CTNNA3: variants seen among roughly 807,000 people sequenced by gnomAD.
CTNNA3 encodes catenin alpha 3.
CTNNA3 carries 76 observed loss-of-function variants against 95.7 expected under a neutral mutation model. The observed-to-expected ratio is 0.79, with a 90% CI of 0.66 to 0.96. CTNNA3 has a LOEUF of 0.96. Among genes scored for constraint, CTNNA3 ranks in the 40% least tolerant of loss-of-function variants. The pLI is 0.00. For synonymous variants in CTNNA3, 431 were observed against 374.4 expected (o/e 1.15, Z -1.74); for missense variants, 1,191 against 1,089.8 (o/e 1.09, Z -1.31).
At chr10:67,505,614 C>T (rs1839405680) in intron 5 of CTNNA3, among the ~76,000 whole-genome samples, 1 of 152,148 alleles carries the variant, frequency 6.6e-6, no homozygotes. Flanking sequence ...CTTCAAAGCA[C>T]AAAAATAATT....
At chr10:67,065,745 T>A (rs932895648) in intron 7 of CTNNA3, among the ~76,000 whole-genome samples, 1 of 152,120 alleles carries the variant, frequency 6.6e-6, no homozygotes, top group Admixed American at 6.5e-5. Context: ...AGGAGGCATA[T>A]ATGTGAATGA....
chr10:65,923,752 GACA>G (rs2077124540), intron 17 of CTNNA3, among the ~76,000 whole-genome samples: 1 of 152,048 alleles, frequency 6.6e-6, no homozygotes, highest in African/African-American at 2.4e-5. Flanking sequence ...GACAACAAAA[GACA>G]ACAACTTAAG....
chr10:67,261,474 C>T lies in CTNNA3; in HGVS notation c.580-41604G>A, dbSNP rs191964082. On this transcript the variant is annotated intron_variant, in intron 5 of 17. Coordinates refer to ENST00000433211, the MANE Select transcript of CTNNA3 (RefSeq NM_013266.4). ...TGGTTGCCAAGAGTGAGGCATTTTG[C>T]GATGACTAACAAATTAAGGCATCTT... Among the ~76,000 whole-genome samples, 445 of 152,090 alleles carry T rather than the reference C, an allele frequency of 2.9e-3. 2 individuals carry two copies. Among genetic ancestry groups the T allele is most frequent in the Non-Finnish European group, 3.7e-3 (249 of 67,988 alleles).
chr10:67,434,149 T>C (rs1846218279), intron 5 of CTNNA3, among the ~76,000 whole-genome samples: 1 of 152,000 alleles, frequency 6.6e-6, no homozygotes, highest in African/African-American at 2.4e-5. Context: ...TCCTAAAACC[T>C]AAAAGAACAA....
chr10:66,937,125 T>G (rs1847752059), intron 7 of CTNNA3, among the ~76,000 whole-genome samples: 1 of 152,080 alleles, frequency 6.6e-6, no homozygotes, highest in African/African-American at 2.4e-5. Flanking sequence ...TACAAAGTCT[T>G]TCTCCTTAAA....
chr10:66,449,483 T>C (rs1288394272), intron 11 of CTNNA3, among the ~76,000 whole-genome samples: 2 of 152,178 alleles, frequency 1.3e-5, no homozygotes, highest in Non-Finnish European at 2.9e-5. Flanking sequence ...GTTTGATTTT[T>C]GGCATTTCAA....
chr10:66,456,845 G>A (rs1038027466), intron 11 of CTNNA3, among the ~76,000 whole-genome samples: 1 of 152,094 alleles, frequency 6.6e-6, no homozygotes, highest in Non-Finnish European at 1.5e-5. Context: ...TGTAATCCTA[G>A]CACTTTGGCA....
intron 1 of CTNNA3, among the ~76,000 whole-genome samples, chr10:67,740,753 A>T (rs1280836330): frequency 6.6e-6 from 1 of 151,420 alleles, no homozygotes; most frequent in Non-Finnish European, 1.5e-5. Flanking sequence ...CAGTGTGGCA[A>T]TTCCTCAGGG....
intron 13 of CTNNA3, among the ~76,000 whole-genome samples, chr10:66,217,468 C>T (rs1437757446): frequency 2.0e-5 from 3 of 151,050 alleles, no homozygotes; most frequent in African/African-American, 7.3e-5. Flanking sequence ...CAAGTTTGTT[C>T]CTTTTTATTG....
intron 3 of CTNNA3, among the ~76,000 whole-genome samples, chr10:67,556,922 T>A (rs1318086826): frequency 1.3e-5 from 2 of 152,234 alleles, no homozygotes; most frequent in Non-Finnish European, 2.9e-5. Context: ...ACACACTGCT[T>A]TAAATGTGTC....
intron 6 of CTNNA3, among the ~76,000 whole-genome samples, chr10:67,209,045 TTG>T (rs1346324658): frequency 1.9e-5 from 2 of 107,888 alleles, no homozygotes; most frequent in African/African-American, 5.1e-5. Context: ...TTGTTATTTT[TTG>T]TTGTTGTTGT....
At chr10:67,351,791 G>A (rs560779080) in intron 5 of CTNNA3, among the ~76,000 whole-genome samples, 2 of 152,070 alleles carry the variant, frequency 1.3e-5, no homozygotes, top group South Asian at 4.1e-4. Flanking sequence ...TATTTACTAT[G>A]ATAAATACTG....
intron 10 of CTNNA3, among the ~76,000 whole-genome samples, chr10:66,588,195 C>T (rs1031480280): frequency 6.6e-6 from 1 of 152,004 alleles, no homozygotes; most frequent in Non-Finnish European, 1.5e-5. Flanking sequence ...CCTCCATGGC[C>T]TGAATTGCCC....
chr10:66,360,691 C>T (rs1337586018), intron 12 of CTNNA3, among the ~76,000 whole-genome samples: 4 of 46,374 alleles, frequency 8.6e-5, no homozygotes, highest in Admixed American at 3.1e-4. Flanking sequence ...TCCTTCCTTC[C>T]TTTTCTTTCT....
chr10:67,577,586 C>T (rs1282105077), intron 3 of CTNNA3, among the ~76,000 whole-genome samples: 4 of 151,962 alleles, frequency 2.6e-5, no homozygotes, highest in South Asian at 2.1e-4. Flanking sequence ...GTGTTTTAGA[C>T]GTGAAACACC....
chr10:66,682,891 TCA>T (rs1847118205), intron 9 of CTNNA3, among the ~76,000 whole-genome samples: 1 of 152,162 alleles, frequency 6.6e-6, no homozygotes, highest in South Asian at 2.1e-4. Context: ...TTTCTGTGCC[TCA>T]GTTTTCTTTT....
chr10:66,199,332 G>A (rs2087166753), intron 13 of CTNNA3, among the ~76,000 whole-genome samples: 1 of 151,868 alleles, frequency 6.6e-6, no homozygotes, highest in Non-Finnish European at 1.5e-5. Flanking sequence ...CGAAATACCA[G>A]CTGCCCAAAT....
intron 3 of CTNNA3, among the ~76,000 whole-genome samples, chr10:67,597,343 G>C (rs960613118): frequency 1.3e-5 from 2 of 152,206 alleles, no homozygotes; most frequent in Non-Finnish European, 2.9e-5. Context: ...TTGACTTTTA[G>C]AGTGGCCAGA....
intron 13 of CTNNA3, among the ~76,000 whole-genome samples, chr10:66,156,359 C>T (rs1235713854): frequency 1.3e-5 from 2 of 151,970 alleles, no homozygotes; most frequent in African/African-American, 2.4e-5. Context: ...TTGGACCACA[C>T]TTTACAAATA....
Sources: allele counts gnomAD v4.1 joint callset (sites outside exome capture counted in the v4.1 genomes callset), GRCh38; gene constraint gnomAD v4.1.1; transcripts MANE v1.5; gene names NCBI Gene and HGNC (gene_info 2026-07-23, HGNC 2026-07-21).